The following LRRC1 variants were observed in gnomAD, a reference collection of about 807,000 sequenced individuals.
The protein encoded by LRRC1 is leucine-rich repeat-containing protein 1.
A neutral mutation model predicts 69.9 loss-of-function variants in LRRC1; 28 were observed. That is an observed-to-expected ratio of 0.40 (90% CI 0.30 to 0.55). The LOEUF (loss-of-function observed/expected upper bound fraction) is 0.55. LRRC1 is among the 20% of genes least tolerant of loss of function. LRRC1 has a pLI of 0.47. For synonymous variants in LRRC1, 236 were observed against 240.2 expected (o/e 0.98, Z 0.16); for missense variants, 498 against 609.0 (o/e 0.82, Z 1.92).
chr6:53,905,333 CAAAA>C (rs748526111), intron 10 of LRRC1: 2 of 71,252 alleles, frequency 2.8e-5, no homozygotes, highest in South Asian at 5.7e-4. Flanking sequence ...GACTCTATCT[CAAAA>C]AAAAAAAAAA....
chr6:53,920,961 G>GTTTTTTTT (rs201940946), intron 13 of LRRC1, among the ~76,000 whole-genome samples, 200 bp downstream of exon 13: 2 of 147,682 alleles, frequency 1.4e-5, no homozygotes, highest in African/African-American at 5.0e-5. Flanking sequence ...GAACTCATGG[G>GTTTTTTTT]TTTTTTTTTT....
In LRRC1 at chr6:53,913,759, A is replaced by C. The variant is rs1238154988; in HGVS notation, c.991-95A>C. ...TGAGTTATGTGGTATAAGTTTATGC[A>C]TCCTTTTTATACTGTTTGGTAAACA... On this transcript the variant is annotated intron_variant, in intron 10 of 13. Coordinates refer to ENST00000370888, the MANE Select transcript of LRRC1 (RefSeq NM_018214.5). The C allele has an allele frequency of 4.5e-6, 3 of 673,088 alleles. No homozygotes were observed. In the South Asian group the frequency reaches 7.1e-5, roughly 16 times the overall value. The allele number at this position is 673,088 out of a possible 1,614,324, so 41.7% of individuals were successfully genotyped here. A position where few individuals can be genotyped will look rare whatever the true frequency, so the allele number is the denominator to read the frequency against.
chr6:53,849,698 A>G (rs1045961686), intron 2 of LRRC1, among the ~76,000 whole-genome samples: 8 of 152,240 alleles, frequency 5.3e-5, no homozygotes, highest in African/African-American at 1.2e-4. Flanking sequence ...AAGAACTGCA[A>G]TTTGAAGATT....
intron 6 of LRRC1, among the ~76,000 whole-genome samples, 187 bp downstream of exon 6, chr6:53,897,079 A>G (rs1029524681): frequency 3.9e-5 from 6 of 152,154 alleles, no homozygotes; most frequent in Non-Finnish European, 7.4e-5. Flanking sequence ...GGTCAGGACT[A>G]GAGATGATGG....
At chr6:53,890,922 T>C (rs1466064499) in intron 4 of LRRC1, among the ~76,000 whole-genome samples, 1 of 152,222 alleles carries the variant, frequency 6.6e-6, no homozygotes, top group Non-Finnish European at 1.5e-5. Flanking sequence ...TTCTTAATGA[T>C]TTTGGCCGCT....
At chr6:53,805,188 G>C (rs1252073129) in intron 1 of LRRC1, among the ~76,000 whole-genome samples, 2 of 152,204 alleles carry the variant, frequency 1.3e-5, no homozygotes, top group Non-Finnish European at 2.9e-5. Flanking sequence ...TGCATGCCAA[G>C]AGTTGCTATG....
At chr6:53,883,661 A>G (rs1767373222) in intron 4 of LRRC1, among the ~76,000 whole-genome samples, 1 of 152,258 alleles carries the variant, frequency 6.6e-6, no homozygotes, top group Non-Finnish European at 1.5e-5. Context: ...TTCAGGACAT[A>G]CAGTAGGTTA....
At chr6:53,850,062 C>CT (rs11408594) in intron 2 of LRRC1, among the ~76,000 whole-genome samples, 59,644 of 145,194 alleles carry the variant, frequency 0.41, 12,199 homozygotes, top group East Asian at 0.55. Flanking sequence ...AATAAGATTT[C>CT]TTTTTTTTTT....
At chr6:53,850,904 G>C (rs911338075) in intron 2 of LRRC1, among the ~76,000 whole-genome samples, 2 of 152,116 alleles carry the variant, frequency 1.3e-5, no homozygotes, top group Non-Finnish European at 1.5e-5. Flanking sequence ...AAGGAGAATT[G>C]CATCTAGGAA....
intron 1 of LRRC1, among the ~76,000 whole-genome samples, chr6:53,835,673 T>A (rs1258066176): frequency 6.6e-6 from 1 of 152,246 alleles, no homozygotes; most frequent in Non-Finnish European, 1.5e-5. Flanking sequence ...TTTTTGTCTA[T>A]ATCCTTTTCA....
intron 1 of LRRC1, among the ~76,000 whole-genome samples, chr6:53,838,631 A>G (rs1410556612): frequency 6.6e-6 from 1 of 152,220 alleles, no homozygotes; most frequent in Non-Finnish European, 1.5e-5. Flanking sequence ...ACTCTGTACA[A>G]TTGGCATAAG....
chr6:53,845,210 A>G (rs963479760), intron 2 of LRRC1, among the ~76,000 whole-genome samples: 2 of 152,174 alleles, frequency 1.3e-5, no homozygotes, highest in African/African-American at 4.8e-5. Context: ...TCTCAAACAA[A>G]CAAAAGAAAG....
intron 6 of LRRC1, 119 bp downstream of exon 6, chr6:53,897,011 C>A: frequency 2.9e-6 from 2 of 693,384 alleles, no homozygotes. Context: ...AACTTGGGGA[C>A]ACTAGAGAAC....
At chr6:53,882,589 C>CT (rs60851231) in intron 3 of LRRC1, among the ~76,000 whole-genome samples, 2,760 of 152,130 alleles carry the variant, frequency 0.018, 86 homozygotes, top group African/African-American at 0.064. Context: ...ATTCAGTAGT[C>CT]TCAACATTTT....
chr6:53,919,365 C>A (rs1768668205), intron 11 of LRRC1, 133 bp from the exon 12 acceptor site: 3 of 681,128 alleles, frequency 4.4e-6, no homozygotes, highest in African/African-American at 1.9e-5. Flanking sequence ...AAAAACATAA[C>A]ACCGTTTTTA....
intron 11 of LRRC1, among the ~76,000 whole-genome samples, chr6:53,915,507 A>G (rs1271984603): frequency 6.6e-6 from 1 of 152,146 alleles, no homozygotes; most frequent in Admixed American, 6.5e-5. Context: ...TTCTTTCCTG[A>G]TCTTTATCCT....
intron 10 of LRRC1, among the ~76,000 whole-genome samples, chr6:53,911,774 G>C (rs964486016): frequency 6.6e-6 from 1 of 152,138 alleles, no homozygotes; most frequent in Non-Finnish European, 1.5e-5. Flanking sequence ...TCTTTGTCAG[G>C]ATTGTCTAAA....
intron 2 of LRRC1, among the ~76,000 whole-genome samples, chr6:53,875,260 C>A (rs1767027255): frequency 6.6e-6 from 1 of 151,994 alleles, no homozygotes; most frequent in African/African-American, 2.4e-5. Flanking sequence ...ACCTAAATGC[C>A]CAACAATGGA....
intron 2 of LRRC1, among the ~76,000 whole-genome samples, chr6:53,861,884 A>G (rs113620959): frequency 0.01 from 1,527 of 152,332 alleles, 24 homozygotes; most frequent in African/African-American, 0.034. Flanking sequence ...GACAAGAATC[A>G]TAGATCCTAT....
Sources: gnomAD v4.1 joint callset for allele counts (sites outside exome capture counted in the v4.1 genomes callset) on GRCh38, gnomAD v4.1.1 for gene constraint, MANE v1.5 for transcripts, NCBI Gene and HGNC (gene_info 2026-07-23, HGNC 2026-07-21) for gene names.